The following HYDIN variants were observed in gnomAD, a reference collection of about 807,000 sequenced individuals.
HYDIN encodes the protein HYDIN axonemal central pair apparatus protein.
Under a neutral mutation model 403.9 loss-of-function variants are expected in HYDIN, and 132 were observed. That is an observed-to-expected ratio of 0.33 (90% confidence interval 0.28 to 0.38). The LOEUF is 0.38. Among genes scored for constraint, HYDIN ranks in the 10% least tolerant of loss-of-function variants. HYDIN has a pLI of 1.00. For synonymous variants in HYDIN, 1,202 were observed against 1,891.7 expected (o/e 0.64, Z 9.46); for missense variants, 2,827 against 5,009.5 (o/e 0.56, Z 13.15).
Position 71,100,758 on chromosome 16 carries a change from C to A in HYDIN, c.1328-6823G>T, listed in dbSNP as rs2083434868. On this transcript the variant is annotated intron_variant, in intron 10 of 85. Transcript: ENST00000393567. ...TTCTCACTCCTGAATCTAAATATTG[C>A]CTTATATGGCAAAAGGGTGAATGTT... is the stretch of plus-strand genomic sequence containing the variant. 2.0e-5 allele frequency among the ~76,000 whole-genome samples: 3 copies of A among 151,154 alleles called. No individual in the cohort carries two copies. In the South Asian group the frequency reaches 6.4e-4, roughly 32 times the overall value.
intron 53 of HYDIN, among the ~76,000 whole-genome samples, chr16:70,898,960 G>T (rs1342044098): frequency 6.6e-6 from 1 of 152,200 alleles, no homozygotes; most frequent in East Asian, 1.9e-4. Flanking sequence ...ATTTAGAGGT[G>T]CAATTTCACC....
chr16:71,221,904 G>C (rs1296966169), intron 1 of HYDIN, among the ~76,000 whole-genome samples: 1 of 152,196 alleles, frequency 6.6e-6, no homozygotes, highest in Non-Finnish European at 1.5e-5. Flanking sequence ...GCCTACTCTT[G>C]TGCCAATCAC....
At chr16:70,808,598 A>T (rs1206590647) in intron 85 of HYDIN, among the ~76,000 whole-genome samples, 3 of 152,170 alleles carry the variant, frequency 2.0e-5, no homozygotes, top group African/African-American at 7.2e-5. Context: ...CCTCTCTGGA[A>T]AATTGCTCAA....
chr16:70,833,116 G>T lies in HYDIN; in HGVS notation c.13680-49C>A, dbSNP rs1309273634. On this transcript the variant is annotated intron_variant, in intron 79 of 85. Transcript: ENST00000393567. ...GAAAGAGAGTTTATGGATGTTGTAA[G>T]GGTGTCCTCAATGCTACTGAGAACA... 2.6e-6 allele frequency: 4 copies of T among 1,530,702 alleles called. No homozygotes were observed. The South Asian group carries it at 4.9e-5, about 19-fold the overall frequency. 94.8% of individuals were successfully genotyped at this position (1,530,702 alleles called of 1,614,324 possible).
chr16:70,937,205 A>G (rs1261832663), intron 44 of HYDIN, among the ~76,000 whole-genome samples: 2 of 151,284 alleles, frequency 1.3e-5, no homozygotes, highest in African/African-American at 4.9e-5. Flanking sequence ...TTTGAGAATC[A>G]AATTTGCATT....
chr16:70,988,876 GGTGT>G (rs2079256704), intron 25 of HYDIN, among the ~76,000 whole-genome samples: 1 of 149,086 alleles, frequency 6.7e-6, no homozygotes, highest in East Asian at 2.0e-4. Context: ...TGTGTCTGAA[GGTGT>G]GTGTGTGTAA....
At chr16:71,042,430 A>T (rs529769035) in intron 18 of HYDIN, among the ~76,000 whole-genome samples, 385 of 152,174 alleles carry the variant, frequency 2.5e-3, no homozygotes, top group Non-Finnish European at 3.8e-3. Flanking sequence ...GGTAAATAAT[A>T]ATAGCTTTTT....
chr16:70,958,464 T>C (rs2078309587), intron 39 of HYDIN, among the ~76,000 whole-genome samples: 1 of 152,110 alleles, frequency 6.6e-6, no homozygotes, highest in Non-Finnish European at 1.5e-5. Context: ...TGGTGTTAAC[T>C]CTCCAGCTGT....
intron 5 of HYDIN, among the ~76,000 whole-genome samples, chr16:71,163,284 G>A (rs112489413): frequency 2.4e-4 from 36 of 152,024 alleles, no homozygotes; most frequent in East Asian, 1.6e-3. Context: ...CACCACGCCC[G>A]GCTAATTTTT....
chr16:71,038,528 TAAAG>T (rs1788713754), intron 18 of HYDIN, among the ~76,000 whole-genome samples: 1 of 151,614 alleles, frequency 6.6e-6, no homozygotes, highest in Non-Finnish European at 1.5e-5. Flanking sequence ...TTCCATGAAA[TAAAG>T]AGAGCAAATA....
chr16:71,175,367 T>G (rs1385443704), intron 5 of HYDIN, among the ~76,000 whole-genome samples: 2 of 151,790 alleles, frequency 1.3e-5, no homozygotes, highest in Non-Finnish European at 2.9e-5. Context: ...CCACCATCAA[T>G]GACAACAATA....
intron 1 of HYDIN, among the ~76,000 whole-genome samples, chr16:71,224,761 C>T (rs563635006): frequency 1.5e-3 from 234 of 151,710 alleles, no homozygotes; most frequent in African/African-American, 5.5e-3. Flanking sequence ...CGGGGTTTCA[C>T]CGTTTTAGCC....
chr16:70,940,764 CCAGTGTTTGTA>C (rs1419615612), intron 43 of HYDIN, among the ~76,000 whole-genome samples: 1 of 152,130 alleles, frequency 6.6e-6, no homozygotes, highest in Non-Finnish European at 1.5e-5. Flanking sequence ...CTTCGACAGC[CCAGTGTTTGTA>C]AGTATTTCCT....
intron 23 of HYDIN, among the ~76,000 whole-genome samples, chr16:71,002,765 C>T (rs567468187): frequency 8.8e-4 from 132 of 150,332 alleles, no homozygotes; most frequent in African/African-American, 3.2e-3. Context: ...GCAACCTTTG[C>T]CTCCTGGGTT....
At chr16:71,115,535 T>C (rs897739545) in intron 10 of HYDIN, among the ~76,000 whole-genome samples, 161 bp downstream of exon 10, 1 of 152,156 alleles carries the variant, frequency 6.6e-6, no homozygotes, top group Admixed American at 6.5e-5. Context: ...GAGAGGGGCA[T>C]AGCTTGGCTC....
chr16:71,225,178 T>C (rs1429530191), intron 1 of HYDIN, among the ~76,000 whole-genome samples: 4 of 151,648 alleles, frequency 2.6e-5, no homozygotes, highest in Admixed American at 2.6e-4. Flanking sequence ...GAGTGTAGGG[T>C]TCTCCGTTCC....
Position 70,937,138 on chromosome 16 carries a change from A to ATG in HYDIN, c.6996-1026_6996-1025dup, listed in dbSNP as rs141908902. On this transcript the variant is annotated intron_variant, in intron 44 of 85. Transcript: ENST00000393567. ...TTTACTTCATGGTGTGTGTGTGTGC[A>ATG]TGTGTGTGTGTGTGTGTGCGCGTGT... Among the ~76,000 whole-genome samples, 1,200 of 146,094 alleles carry ATG rather than the reference A, an allele frequency of 8.2e-3. 9 individuals are homozygous for ATG. Among genetic ancestry groups the ATG allele is most frequent in the African/African-American group, 0.023 (847 of 37,226 alleles).
intron 18 of HYDIN, among the ~76,000 whole-genome samples, chr16:71,048,080 A>C (rs1384704881): frequency 1.4e-5 from 2 of 144,352 alleles, no homozygotes; most frequent in Non-Finnish European, 3.1e-5. Flanking sequence ...CATATGAGTG[A>C]GAACATGTGG....
chr16:70,829,528 C>G, intron 81 of HYDIN, 90 bp downstream of exon 81: 2 of 945,420 alleles, frequency 2.1e-6, no homozygotes, highest in Non-Finnish European at 3.3e-6. Flanking sequence ...GCCACCACGC[C>G]CAGCCCCAAA....
Sources: gnomAD v4.1 joint callset for allele counts (sites outside exome capture counted in the v4.1 genomes callset) on GRCh38, gnomAD v4.1.1 for gene constraint, MANE v1.5 for transcripts, NCBI Gene and HGNC (gene_info 2026-07-23, HGNC 2026-07-21) for gene names.